GRIN2A: variants seen among roughly 807,000 people sequenced by gnomAD.
The protein encoded by GRIN2A is glutamate ionotropic receptor NMDA type subunit 2A.
GRIN2A carries 22 observed loss-of-function variants against 113.4 expected under a neutral mutation model. The observed-to-expected ratio is 0.19, with a 90% CI of 0.14 to 0.28. The LOEUF (loss-of-function observed/expected upper bound fraction) is 0.28. GRIN2A is among the 10% of genes least tolerant of loss of function. The pLI, the probability that GRIN2A is intolerant of heterozygous loss-of-function variation, is 1.00. For missense variants in GRIN2A, 1,502 were observed against 1,887.0 expected (o/e 0.80, Z 3.78); for synonymous variants, 827 against 738.4 (o/e 1.12, Z -1.94).
chr16:9,925,256 C>T (rs896410476), intron 3 of GRIN2A, among the ~76,000 whole-genome samples: 3 of 152,216 alleles, frequency 2.0e-5, no homozygotes, highest in African/African-American at 7.2e-5. Context: ...ATTATTGAGA[C>T]AACCCCCTTC....
intron 2 of GRIN2A, among the ~76,000 whole-genome samples, chr16:10,168,416 C>T (rs2049967600): frequency 6.6e-6 from 1 of 152,130 alleles, no homozygotes; most frequent in Admixed American, 6.5e-5. Flanking sequence ...GCCTAAAGCA[C>T]CAAGGCTTGG....
At chr16:9,976,467 C>G (rs1035771201) in intron 2 of GRIN2A, among the ~76,000 whole-genome samples, 1 of 152,178 alleles carries the variant, frequency 6.6e-6, no homozygotes, top group Admixed American at 6.5e-5. Flanking sequence ...GTTCCTTCCT[C>G]TGTTCTGTGA....
At chr16:9,825,170 A>G (rs2141301300) in intron 9 of GRIN2A, among the ~76,000 whole-genome samples, 1 of 152,314 alleles carries the variant, frequency 6.6e-6, no homozygotes, top group Middle Eastern at 3.4e-3. Context: ...CTTACAGGAG[A>G]CAAGTTCAGG....
In GRIN2A at chr16:9,829,579, C is replaced by A. The variant is rs1451290921; in HGVS notation, c.1851G>T (p.Val617=). Residue 617 remains valine, a synonymous_variant, in exon 9 of 13, where the codon GTG becomes GTT. Coordinates refer to ENST00000330684, the MANE Select transcript of GRIN2A (RefSeq NM_001134407.3). ...LLWGLVFNNS[V]PVQNPKGTTS... ...TGGTCCCTTTAGGATTCTGGACAGG[C>A]ACGGAGTTATTGAACACCAGGCCCC... 11 of 1,614,014 alleles carry A rather than the reference C, an allele frequency of 6.8e-6. No individual in the cohort carries two copies. The highest frequency in any genetic ancestry group is 9.3e-6 in the Non-Finnish European group (11 of 1,179,940).
At chr16:10,168,943 C>T (rs544616353) in intron 2 of GRIN2A, among the ~76,000 whole-genome samples, 40 of 150,122 alleles carry the variant, frequency 2.7e-4, no homozygotes, top group Non-Finnish European at 4.7e-4. Flanking sequence ...CCAGCCTGGG[C>T]GACAAGAGCA....
intron 2 of GRIN2A, among the ~76,000 whole-genome samples, chr16:9,984,194 A>G (rs1254797135): frequency 6.6e-6 from 1 of 150,590 alleles, no homozygotes; most frequent in African/African-American, 2.4e-5. Context: ...TCTTTAAGAG[A>G]TGTTTATTTA....
At chr16:9,990,386 G>A (rs1324500931) in intron 2 of GRIN2A, among the ~76,000 whole-genome samples, 1 of 152,048 alleles carries the variant, frequency 6.6e-6, no homozygotes, top group Non-Finnish European at 1.5e-5. Context: ...CCAAAAGGGA[G>A]GAGGGAGGGA....
At chr16:9,923,835 C>T (rs1331818892) in intron 3 of GRIN2A, among the ~76,000 whole-genome samples, 2 of 151,926 alleles carry the variant, frequency 1.3e-5, no homozygotes, top group African/African-American at 2.4e-5. Flanking sequence ...GTTTAAAAAT[C>T]CTCATGTGAG....
chr16:9,809,171 G>A (rs1472198516), intron 10 of GRIN2A, among the ~76,000 whole-genome samples: 1 of 152,140 alleles, frequency 6.6e-6, no homozygotes, highest in Non-Finnish European at 1.5e-5. Flanking sequence ...TGTAATCCCA[G>A]CACTTTGGGA....
intron 4 of GRIN2A, among the ~76,000 whole-genome samples, chr16:9,859,455 T>C (rs1396610515): frequency 3.9e-5 from 6 of 152,152 alleles, no homozygotes; most frequent in African/African-American, 1.4e-4. Flanking sequence ...TACATATTCC[T>C]ATACATCTAT....
intron 2 of GRIN2A, among the ~76,000 whole-genome samples, chr16:10,135,911 A>C (rs1022111862): frequency 3.9e-5 from 6 of 152,190 alleles, no homozygotes; most frequent in Non-Finnish European, 7.3e-5. Context: ...TTGACTGAGT[A>C]CAGACTGTAG....
intron 11 of GRIN2A, among the ~76,000 whole-genome samples, chr16:9,788,804 G>A (rs1196509238): frequency 3.4e-5 from 5 of 146,964 alleles, no homozygotes; most frequent in East Asian, 2.0e-4. Flanking sequence ...GTGCAGTGGC[G>A]CGAACTCGAC....
At chr16:10,162,670 C>A (rs1485407444) in intron 2 of GRIN2A, among the ~76,000 whole-genome samples, 1 of 152,126 alleles carries the variant, frequency 6.6e-6, no homozygotes. Flanking sequence ...CCTCATTTTA[C>A]CATAATTACT....
At chr16:9,964,097 C>G (rs1214571672) in intron 2 of GRIN2A, among the ~76,000 whole-genome samples, 1 of 152,176 alleles carries the variant, frequency 6.6e-6, no homozygotes, top group African/African-American at 2.4e-5. Context: ...ACAACACAGC[C>G]TGAGGATGAA....
intron 2 of GRIN2A, among the ~76,000 whole-genome samples, chr16:10,032,736 A>G (rs2046952249): frequency 6.6e-6 from 1 of 152,222 alleles, no homozygotes; most frequent in Non-Finnish European, 1.5e-5. Flanking sequence ...CCATTAAACA[A>G]CAGTGGTGGA....
intron 3 of GRIN2A, among the ~76,000 whole-genome samples, chr16:9,906,204 C>T (rs188470641): frequency 6.0e-4 from 91 of 152,288 alleles, no homozygotes; most frequent in Middle Eastern, 6.8e-3. Context: ...TTCTCAAAAC[C>T]CTGAAATGGA....
chr16:9,835,567 A>G (rs1045437590), intron 7 of GRIN2A, among the ~76,000 whole-genome samples: 2 of 152,240 alleles, frequency 1.3e-5, no homozygotes, highest in Admixed American at 1.3e-4. Flanking sequence ...TATCATGGGG[A>G]AGAAATTGCC....
chr16:9,898,592 G>T (rs34795833), intron 3 of GRIN2A, among the ~76,000 whole-genome samples: 1 of 151,724 alleles, frequency 6.6e-6, no homozygotes, highest in African/African-American at 2.4e-5. Flanking sequence ...CTCAATTTTC[G>T]GTTAATTTTC....
chr16:9,876,266 A>G (rs1233278084), intron 4 of GRIN2A, among the ~76,000 whole-genome samples: 3 of 152,132 alleles, frequency 2.0e-5, no homozygotes, highest in Admixed American at 6.5e-5. Flanking sequence ...GCTTGTAAAT[A>G]TGTTCTCCAT....
Sources: allele counts gnomAD v4.1 joint callset (sites outside exome capture counted in the v4.1 genomes callset), GRCh38; gene constraint gnomAD v4.1.1; transcripts MANE v1.5; gene names NCBI Gene and HGNC (gene_info 2026-07-23, HGNC 2026-07-21).